MYH15: variants seen among roughly 807,000 people sequenced by gnomAD.
MYH15 encodes myosin-15.
A neutral mutation model predicts 240.5 loss-of-function variants in MYH15; 227 were observed. That is an observed-to-expected ratio of 0.94 (90% CI 0.85 to 1.05). The LOEUF (loss-of-function observed/expected upper bound fraction) is 1.05, where lower values mean the gene tolerates loss of function less well. Among genes scored for constraint, MYH15 ranks in the 50% least tolerant of loss-of-function variants. The probability of loss-of-function intolerance (pLI) is 0.00; values close to 1 mark genes in which losing one functional copy is unlikely to be tolerated. For synonymous variants in MYH15, 785 were observed against 796.7 expected (o/e 0.99, Z 0.25); for missense variants, 2,217 against 2,247.5 (o/e 0.99, Z 0.27).
At chr3:108,525,668 C>T (rs2083661026) in intron 1 of MYH15, among the ~76,000 whole-genome samples, 1 of 152,036 alleles carries the variant, frequency 6.6e-6, no homozygotes, top group Non-Finnish European at 1.5e-5. Flanking sequence ...TAGATACTCT[C>T]ATGTCTACCC....
Position 108,460,353 on chromosome 3 carries a change from C to A in MYH15, c.1879G>T (p.Glu627Ter). 6.3e-7 allele frequency: 1 copy of A among 1,593,364 alleles called. No homozygotes were observed. Among genetic ancestry groups the A allele is most frequent in the South Asian group, 1.1e-5 (1 of 87,338 alleles). The change falls in exon 17 of 41, where the codon GAG (glutamate) becomes TAG (stop). Residue 627 changes from glutamate (E) to a stop codon, truncating the protein, a stop_gained. Transcript: ENST00000693548. LOFTEE classifies it high-confidence loss of function. Reference sequence around the variant, plus strand: ...GAAGCTCCTTTCTTTCGTTTCTTCTCCCCAAATGGTATAGCTAGCAAAAAA... The same window carrying A: ...GAAGCTCCTTTCTTTCGTTTCTTCTACCCAAATGGTATAGCTAGCAAAAAA... ...MSTDSAIPFG[E>*]KKRKKGASFQ...
intron 27 of MYH15, among the ~76,000 whole-genome samples, chr3:108,426,415 C>T (rs1285877794): frequency 1.3e-5 from 2 of 152,128 alleles, no homozygotes; most frequent in African/African-American, 4.8e-5. Flanking sequence ...TCCCTTGAGA[C>T]CTCAGAGCTT....
intron 6 of MYH15, among the ~76,000 whole-genome samples, chr3:108,496,271 T>C (rs758592107): frequency 2.6e-5 from 4 of 152,244 alleles, no homozygotes; most frequent in Non-Finnish European, 4.4e-5. Flanking sequence ...AAATTTATCC[T>C]AGGATAATAC....
intron 22 of MYH15, among the ~76,000 whole-genome samples, chr3:108,443,996 T>G (rs2107570825): frequency 5.0e-5 from 1 of 19,840 alleles, no homozygotes; most frequent in Middle Eastern, 0.033. Flanking sequence ...TGGGGACTGT[T>G]GTGGGGTGGG....
At chr3:108,525,986 T>C (rs1372894931) in intron 1 of MYH15, among the ~76,000 whole-genome samples, 6 of 152,094 alleles carry the variant, frequency 3.9e-5, no homozygotes, top group Admixed American at 1.3e-4. Flanking sequence ...TGATCATGTC[T>C]AGTAGTGATA....
chr3:108,493,786 A>G (rs2083371480), intron 7 of MYH15, among the ~76,000 whole-genome samples: 1 of 152,364 alleles, frequency 6.6e-6, no homozygotes, highest in East Asian at 1.9e-4. Flanking sequence ...GACAAACTCC[A>G]TATCATCTAA....
In MYH15 at chr3:108,430,863, G is replaced by A. The variant is rs1227195542; in HGVS notation, c.3281C>T (p.Ala1094Val). 2.5e-6 allele frequency: 4 copies of A among 1,612,280 alleles called. No individual in the cohort carries two copies. Among genetic ancestry groups the A allele is most frequent in the Non-Finnish European group, 3.4e-6 (4 of 1,179,748 alleles). The stretch of plus-strand genomic sequence containing the variant: ...CTCTTTAACCGTCTTCTGAAGCTGA[G>A]CTACCAGGCCTTTCTCATTCTCCAC... ...SKVENEKGLV[A>V]QLQKTVKELQ... is the part of the protein sequence containing the mutation. Residue 1094 changes from alanine to valine, a missense_variant, in exon 26 of 41, where the codon GCT becomes GTT. Physicochemically the swap from Ala to Val is moderately conservative, Grantham distance 64. Coordinates refer to ENST00000693548, the MANE Select transcript of MYH15 (RefSeq NM_014981.3).
In MYH15 at chr3:108,428,901, T is replaced by C. The variant is rs761025440; in HGVS notation, c.3313-20A>G. The stretch of plus-strand genomic sequence containing the variant: ...TTGAGTCTGTAGCAAGAAATAATTT[T>C]GACTTTTACTAAGCACTTGTAGCAA... On this transcript the variant is annotated intron_variant, in intron 26 of 40. Transcript: ENST00000693548. 1 of 1,578,830 alleles carries C rather than the reference T, an allele frequency of 6.3e-7. No homozygotes were observed. Among genetic ancestry groups the C allele is most frequent in the Non-Finnish European group, 8.6e-7 (1 of 1,166,848 alleles).
At chr3:108,545,424 C>G in the MYH15 span, among the ~76,000 whole-genome samples, 1 of 152,158 alleles carries the variant, frequency 6.6e-6, no homozygotes, top group South Asian at 2.1e-4. Context: ...GGGAGATAAA[C>G]CATTATTGAA....
At chr3:108,510,356 G>C in intron 1 of MYH15, 87 bp downstream of exon 1, 2 of 1,508,814 alleles carry the variant, frequency 1.3e-6, no homozygotes, top group Non-Finnish European at 1.8e-6. Flanking sequence ...CTCTAGAACT[G>C]ATGGCTCTTC....
At chr3:108,543,009 T>C in the MYH15 span, among the ~76,000 whole-genome samples, 1 of 151,626 alleles carries the variant, frequency 6.6e-6, no homozygotes, top group African/African-American at 2.4e-5. Context: ...GCCTCCTGAG[T>C]AGCTGGGACT....
chr3:108,431,738 G>A (rs1298208599), intron 25 of MYH15, among the ~76,000 whole-genome samples: 1 of 152,178 alleles, frequency 6.6e-6, no homozygotes, highest in African/African-American at 2.4e-5. Context: ...ACAGTTTGGA[G>A]GGCTCAGAAG....
chr3:108,546,757 C>A, the MYH15 span, among the ~76,000 whole-genome samples: 1 of 152,078 alleles, frequency 6.6e-6, no homozygotes. Context: ...AAGAGTTATA[C>A]CTCTTATTCA....
chr3:108,401,172 C>A (rs2082501666), intron 33 of MYH15, among the ~76,000 whole-genome samples: 1 of 152,126 alleles, frequency 6.6e-6, no homozygotes. Context: ...CCAAAATTTA[C>A]ACGTTCTTGC....
chr3:108,460,479 G>A, intron 16 of MYH15, 112 bp from the exon 17 acceptor site: 1 of 656,300 alleles, frequency 1.5e-6, no homozygotes, highest in Non-Finnish European at 2.4e-6. Flanking sequence ...AGAACAATAT[G>A]GCAATATCTA....
At chr3:108,535,856 T>C in the MYH15 span, among the ~76,000 whole-genome samples, 5 of 152,200 alleles carry the variant, frequency 3.3e-5, no homozygotes, top group African/African-American at 1.2e-4. Context: ...GGCATGAGTA[T>C]TCGCTAAACA....
upstream of MYH15, among the ~76,000 whole-genome samples, chr3:108,514,270 C>G (rs960954987): frequency 6.6e-6 from 1 of 152,148 alleles, no homozygotes; most frequent in Non-Finnish European, 1.5e-5. Context: ...AAAACTAGAA[C>G]AAGTTGGTCA....
intron 11 of MYH15, among the ~76,000 whole-genome samples, chr3:108,482,988 A>G (rs566700381): frequency 1.8e-4 from 27 of 152,206 alleles, no homozygotes; most frequent in Admixed American, 5.9e-4. Context: ...TAAGGTCAGG[A>G]GTTGAGACCA....
chr3:108,461,232 G>A (rs2083069270), intron 16 of MYH15, among the ~76,000 whole-genome samples: 1 of 152,142 alleles, frequency 6.6e-6, no homozygotes, highest in Non-Finnish European at 1.5e-5. Flanking sequence ...ATGTCATGAA[G>A]CTCAATCACT....
Sources: allele counts gnomAD v4.1 joint callset (sites outside exome capture counted in the v4.1 genomes callset), GRCh38; gene constraint gnomAD v4.1.1; transcripts MANE v1.5; gene names NCBI Gene and HGNC (gene_info 2026-07-23, HGNC 2026-07-21).